Variants in NOVA1 observed in about 807,000 individuals in gnomAD.
NOVA1 encodes the protein RNA-binding protein Nova-1.
A neutral mutation model predicts 38.0 loss-of-function variants in NOVA1; 7 were observed. That is an observed-to-expected ratio of 0.18 (90% CI 0.10 to 0.35). NOVA1 has a LOEUF of 0.35. Among genes scored for constraint, NOVA1 ranks in the 10% least tolerant of loss-of-function variants. The pLI, the probability that NOVA1 is intolerant of heterozygous loss-of-function variation, is 1.00. For synonymous variants in NOVA1, 270 were observed against 232.5 expected (o/e 1.16, Z -1.47); for missense variants, 460 against 616.0 (o/e 0.75, Z 2.68).
At chr14:26,510,187 T>C (rs61986473) in intron 2 of NOVA1, among the ~76,000 whole-genome samples, 6,290 of 152,284 alleles carry the variant, frequency 0.041, 192 homozygotes, top group South Asian at 0.097. Flanking sequence ...TCATTATTTA[T>C]TTTATTGACT....
At chr14:26,519,271 C>T (rs921466860) in intron 2 of NOVA1, 3 of 151,980 alleles carry the variant, frequency 2.0e-5, no homozygotes, top group Non-Finnish European at 2.9e-5. Context: ...CACAGTACAA[C>T]CTGTGAACTA....
chr14:26,490,825 A>C (rs1475484209), intron 2 of NOVA1, among the ~76,000 whole-genome samples: 1 of 144,254 alleles, frequency 6.9e-6, no homozygotes, highest in Admixed American at 7.0e-5. Context: ...ACAGGTGCGC[A>C]CCATCACATC....
chr14:26,496,144 C>A (rs1436809759), intron 2 of NOVA1, among the ~76,000 whole-genome samples: 1 of 150,402 alleles, frequency 6.6e-6, no homozygotes, highest in African/African-American at 2.4e-5. Flanking sequence ...TTCTCCACAT[C>A]CTCTCCAGCA....
chr14:26,477,341 C>T (rs1331745980), intron 3 of NOVA1, among the ~76,000 whole-genome samples: 1 of 151,964 alleles, frequency 6.6e-6, no homozygotes, highest in African/African-American at 2.4e-5. Flanking sequence ...TCCATAACTA[C>T]TTCTTCCCTG....
intron 2 of NOVA1, among the ~76,000 whole-genome samples, chr14:26,493,485 A>T (rs1276243087): frequency 6.6e-6 from 1 of 152,226 alleles, no homozygotes; most frequent in Admixed American, 6.5e-5. Flanking sequence ...GACAACTGGC[A>T]GAATCCCAGA....
At chr14:26,585,517 T>C (rs1893463571) in intron 2 of NOVA1, among the ~76,000 whole-genome samples, 1 of 151,350 alleles carries the variant, frequency 6.6e-6, no homozygotes, top group Admixed American at 6.6e-5. Context: ...ATACTTCTAA[T>C]ATATCACTTT....
At chr14:26,590,328 C>A (rs2138808084) in intron 2 of NOVA1, among the ~76,000 whole-genome samples, 1 of 151,832 alleles carries the variant, frequency 6.6e-6, no homozygotes, top group East Asian at 1.9e-4. Context: ...AAATCTCCCA[C>A]CTTCGTCCCC....
At chr14:26,486,550 A>C (rs1566468408) in intron 2 of NOVA1, among the ~76,000 whole-genome samples, 1 of 151,876 alleles carries the variant, frequency 6.6e-6, no homozygotes, top group Admixed American at 6.6e-5. Flanking sequence ...TCCACTAAAA[A>C]TACAAAAAAT....
rs186219212 is a variant in NOVA1 at position 26,555,076 on chromosome 14, A to G, written c.280+40334T>C. On this transcript the variant is annotated intron_variant, in intron 2 of 4. Coordinates refer to ENST00000539517, the MANE Select transcript of NOVA1 (RefSeq NM_002515.3). ...AAAAGGCTCTACAGAAGGAAAGACT[A>G]AAAAAGAAAGAAAAAAGAGTTTAGA... is the stretch of plus-strand genomic sequence containing the variant. Among the ~76,000 whole-genome samples the G allele has an allele frequency of 8.5e-5, 13 of 152,248 alleles. No homozygotes were observed. The East Asian group carries it at 2.3e-3, about 27-fold the overall frequency.
chr14:26,544,125 AC>A (rs1426156180), intron 2 of NOVA1, among the ~76,000 whole-genome samples: 11 of 151,908 alleles, frequency 7.2e-5, no homozygotes, highest in Non-Finnish European at 1.5e-4. Context: ...GGGACAGATA[AC>A]CCCTAGGAAA....
At chr14:26,557,491 A>G (rs1891562339) in intron 2 of NOVA1, among the ~76,000 whole-genome samples, 1 of 151,440 alleles carries the variant, frequency 6.6e-6, no homozygotes, top group Non-Finnish European at 1.5e-5. Flanking sequence ...CCTCCCAAGT[A>G]GCAGGGACTA....
chr14:26,493,226 T>C (rs183902572), intron 2 of NOVA1, among the ~76,000 whole-genome samples: 2 of 152,312 alleles, frequency 1.3e-5, no homozygotes, highest in Admixed American at 1.3e-4. Context: ...AAATAGATAA[T>C]ACATCTGTCA....
chr14:26,480,905 A>C (rs2138299258), intron 2 of NOVA1, among the ~76,000 whole-genome samples: 1 of 152,158 alleles, frequency 6.6e-6, no homozygotes, highest in South Asian at 2.1e-4. Context: ...ATTCACAAAT[A>C]TTTGTTAAAG....
chr14:26,478,898 T>C (rs1885208236), intron 3 of NOVA1: 1 of 151,866 alleles, frequency 6.6e-6, no homozygotes, highest in Admixed American at 6.6e-5. Context: ...AATTAGACAT[T>C]AGTCTATAAT....
In NOVA1 at chr14:26,597,811, G is replaced by C. The variant is rs1255170103; in HGVS notation, c.-375C>G. ...GGGAGGACAGGCAGAGGGAGTGGGA[G>C]AGCGCGAGGGCTGGCGGGGCGCGGG... On this transcript the variant is annotated 5_prime_UTR_variant, in exon 1 of 5. Coordinates refer to ENST00000539517, the MANE Select transcript of NOVA1 (RefSeq NM_002515.3). 4.3e-6 allele frequency: 2 copies of C among 461,006 alleles called. No homozygotes were observed. The highest frequency in any genetic ancestry group is 1.2e-4 in the Admixed American group (2 of 16,054). 28.6% of individuals were successfully genotyped at this position (461,006 alleles called of 1,614,324 possible).
At chr14:26,580,563 C>T (rs1230455233) in intron 2 of NOVA1, among the ~76,000 whole-genome samples, 1 of 152,116 alleles carries the variant, frequency 6.6e-6, no homozygotes, top group East Asian at 1.9e-4. Flanking sequence ...AAAGCTGAGA[C>T]TGGAAAGACA....
intron 2 of NOVA1, among the ~76,000 whole-genome samples, chr14:26,487,840 C>A (rs75757524): frequency 0.041 from 6,275 of 152,116 alleles, 190 homozygotes; most frequent in South Asian, 0.097. Context: ...AACAGACCAC[C>A]ACAGGAGATG....
chr14:26,583,002 G>T (rs911821499), intron 2 of NOVA1, among the ~76,000 whole-genome samples: 2 of 151,738 alleles, frequency 1.3e-5, no homozygotes, highest in African/African-American at 4.8e-5. Context: ...TTTTAAACAA[G>T]ATGTCAAATA....
At chr14:26,584,650 C>A (rs936654996) in intron 2 of NOVA1, among the ~76,000 whole-genome samples, 5 of 151,294 alleles carry the variant, frequency 3.3e-5, no homozygotes, top group Non-Finnish European at 5.9e-5. Flanking sequence ...CTTTTAGACC[C>A]CTGAATATAA....
Sources: allele counts gnomAD v4.1 joint callset (sites outside exome capture counted in the v4.1 genomes callset), GRCh38; gene constraint gnomAD v4.1.1; transcripts MANE v1.5; gene names NCBI Gene and HGNC (gene_info 2026-07-23, HGNC 2026-07-21).